The following SH3BGRL variants were observed in gnomAD, a reference collection of about 807,000 sequenced individuals.
The protein encoded by SH3BGRL is adapter SH3BGRL.
A neutral mutation model predicts 9.8 loss-of-function variants in SH3BGRL; 7 were observed. The observed-to-expected ratio is 0.72, with a 90% confidence interval of 0.41 to 1.35. The LOEUF (loss-of-function observed/expected upper bound fraction) is 1.35, where lower values mean the gene tolerates loss of function less well. Ranked by LOEUF, SH3BGRL falls within the 40% of genes most tolerant of loss-of-function variation. SH3BGRL has a pLI of 0.01. For missense variants in SH3BGRL, 73 were observed against 84.4 expected (o/e 0.86, Z 0.53); for synonymous variants, 36 against 29.1 (o/e 1.24, Z -0.76).
chrX:81,270,364 T>C (rs889627379), intron 1 of SH3BGRL, among the ~76,000 whole-genome samples: 7 of 112,031 alleles, frequency 6.2e-5, no homozygotes, highest in African/African-American at 2.3e-4. Flanking sequence ...TTTATCTACC[T>C]TTGGTCTTTG....
intron 1 of SH3BGRL, among the ~76,000 whole-genome samples, chrX:81,222,731 G>C (rs1321374989): frequency 9.0e-6 from 1 of 111,116 alleles, no homozygotes; most frequent in Non-Finnish European, 1.9e-5. Context: ...AGTTCCAAAT[G>C]CCTGAGGAAT....
intron 1 of SH3BGRL, among the ~76,000 whole-genome samples, chrX:81,270,691 C>G (rs746746579): frequency 1.8e-5 from 2 of 112,048 alleles, no homozygotes; most frequent in African/African-American, 6.5e-5. Context: ...GTCAGGGACC[C>G]ACTTGAGGAG....
intron 1 of SH3BGRL, among the ~76,000 whole-genome samples, chrX:81,228,112 A>G: frequency 8.9e-6 from 1 of 111,808 alleles, no homozygotes; most frequent in Middle Eastern, 4.6e-3. Flanking sequence ...AAAATATCAA[A>G]CTCTAATATT....
chrX:81,292,168 G>T (rs142367393), intron 3 of SH3BGRL, among the ~76,000 whole-genome samples: 334 of 112,212 alleles, frequency 3.0e-3, no homozygotes, highest in African/African-American at 0.01. Flanking sequence ...CCCCAGTAGA[G>T]GTTCTGCATG....
At chrX:81,276,902 G>T (rs1430970872) in intron 1 of SH3BGRL, 82 bp from the exon 2 acceptor site, 5 of 816,460 alleles carry the variant, frequency 6.1e-6, no homozygotes, top group South Asian at 5.0e-5. Flanking sequence ...TCTTTGTTCT[G>T]TCTGAATTCA....
intron 1 of SH3BGRL, among the ~76,000 whole-genome samples, chrX:81,269,083 A>C (rs1426540877): frequency 9.0e-6 from 1 of 110,959 alleles, no homozygotes; most frequent in Non-Finnish European, 1.9e-5. Context: ...ATCTTCCTCT[A>C]TCCCTTTATT....
At chrX:81,240,875 G>A (rs1387178751) in intron 1 of SH3BGRL, among the ~76,000 whole-genome samples, 6 of 112,761 alleles carry the variant, frequency 5.3e-5, no homozygotes, top group African/African-American at 1.3e-4. Flanking sequence ...TACACACTCC[G>A]CAGAGCCAGT....
chrX:81,263,515 T>A (rs972913814), intron 1 of SH3BGRL, among the ~76,000 whole-genome samples: 14 of 111,971 alleles, frequency 1.3e-4, no homozygotes, highest in Middle Eastern at 4.2e-3. Flanking sequence ...AGTACAGCCA[T>A]GCCCACTTTC....
intron 1 of SH3BGRL, among the ~76,000 whole-genome samples, chrX:81,260,737 A>G (rs1274317585): frequency 9.0e-6 from 1 of 111,206 alleles, no homozygotes; most frequent in African/African-American, 3.3e-5. Flanking sequence ...CCTTCAGACC[A>G]TAACTACTAT....
chrX:81,210,941 G>A (rs2075561166), intron 1 of SH3BGRL, among the ~76,000 whole-genome samples: 1 of 112,332 alleles, frequency 8.9e-6, no homozygotes, highest in Admixed American at 9.4e-5. Context: ...TATACTATTA[G>A]TTAGAATGCA....
intron 1 of SH3BGRL, among the ~76,000 whole-genome samples, chrX:81,251,774 G>A (rs1265494348): frequency 2.7e-5 from 3 of 111,985 alleles, no homozygotes; most frequent in Non-Finnish European, 5.6e-5. Context: ...CTGAGGCTGT[G>A]GAACCAGAAC....
intron 1 of SH3BGRL, among the ~76,000 whole-genome samples, chrX:81,250,380 C>T (rs1382707239): frequency 9.8e-6 from 1 of 101,926 alleles, no homozygotes. Context: ...GCATTCCAGC[C>T]TGGGCGACAC....
intron 1 of SH3BGRL, among the ~76,000 whole-genome samples, chrX:81,238,220 G>A (rs1259661507): frequency 1.8e-5 from 2 of 110,693 alleles, no homozygotes; most frequent in Non-Finnish European, 3.8e-5. Flanking sequence ...CTTGACTCTT[G>A]GATGGTATTT....
At chrX:81,290,272 C>T (rs1367021555) in intron 3 of SH3BGRL, among the ~76,000 whole-genome samples, 1 of 112,195 alleles carries the variant, frequency 8.9e-6, no homozygotes, top group Non-Finnish European at 1.9e-5. Context: ...GAGATATCTG[C>T]AATCTCATGT....
intron 1 of SH3BGRL, among the ~76,000 whole-genome samples, chrX:81,270,144 C>T (rs2075773190): frequency 9.0e-6 from 1 of 110,521 alleles, no homozygotes; most frequent in African/African-American, 3.3e-5. Context: ...GGTTTTTATC[C>T]TCCTTGTGAT....
intron 1 of SH3BGRL, among the ~76,000 whole-genome samples, chrX:81,225,560 T>A (rs2075614196): frequency 2.7e-5 from 3 of 111,691 alleles, no homozygotes; most frequent in African/African-American, 9.8e-5. Flanking sequence ...GGAAATTGCA[T>A]CCATGTTACT....
intron 1 of SH3BGRL, among the ~76,000 whole-genome samples, chrX:81,243,714 TA>T (rs771415856): frequency 6.9e-4 from 75 of 109,407 alleles, no homozygotes; most frequent in African/African-American, 1.4e-3. Context: ...TCACAAAAAT[TA>T]AAAAAAAATA....
chrX:81,245,456 C>T (rs962090068), intron 1 of SH3BGRL, among the ~76,000 whole-genome samples: 2 of 111,557 alleles, frequency 1.8e-5, no homozygotes, highest in Non-Finnish European at 3.8e-5. Context: ...AATGGTTTGG[C>T]GAGCTTGCTT....
intron 1 of SH3BGRL, among the ~76,000 whole-genome samples, chrX:81,218,495 A>T (rs956262561): frequency 6.0e-4 from 65 of 108,920 alleles, no homozygotes; most frequent in African/African-American, 2.1e-3. Flanking sequence ...TCCTTCATTT[A>T]TGAAGCTTAG....
Sources: gnomAD v4.1 joint callset for allele counts (sites outside exome capture counted in the v4.1 genomes callset) on GRCh38, gnomAD v4.1.1 for gene constraint, MANE v1.5 for transcripts, NCBI Gene and HGNC (gene_info 2026-07-23, HGNC 2026-07-21) for gene names.